The following TGFBRAP1 variants were observed in gnomAD, a reference collection of about 807,000 sequenced individuals.
TGFBRAP1 encodes the protein transforming growth factor beta receptor associated protein 1.
TGFBRAP1 carries 20 observed loss-of-function variants against 83.2 expected under a neutral mutation model. The observed-to-expected ratio is 0.24, with a 90% CI of 0.17 to 0.35. The LOEUF is 0.35. Among genes scored for constraint, TGFBRAP1 ranks in the 10% least tolerant of loss-of-function variants. The pLI is 1.00. For synonymous variants in TGFBRAP1, 415 were observed against 459.8 expected (o/e 0.90, Z 1.25); for missense variants, 950 against 1,099.4 (o/e 0.86, Z 1.92).
intron 4 of TGFBRAP1, among the ~76,000 whole-genome samples, chr2:105,285,825 T>G (rs566888027): frequency 6.6e-6 from 1 of 152,306 alleles, no homozygotes; most frequent in African/African-American, 2.4e-5. Flanking sequence ...CCCTTTACCA[T>G]CAGTCTTTAA....
At chr2:105,294,981 G>A (rs1435874420) in intron 4 of TGFBRAP1, among the ~76,000 whole-genome samples, 4 of 151,994 alleles carry the variant, frequency 2.6e-5, no homozygotes, top group African/African-American at 9.7e-5. Flanking sequence ...GAGCACATGC[G>A]GCAGTGGCAG....
At chr2:105,328,097 G>A (rs1011435164) in intron 1 of TGFBRAP1, among the ~76,000 whole-genome samples, 2 of 152,110 alleles carry the variant, frequency 1.3e-5, no homozygotes, top group African/African-American at 2.4e-5. Context: ...TCCTTTCCAG[G>A]CACAATTTCT....
intron 4 of TGFBRAP1, among the ~76,000 whole-genome samples, chr2:105,289,397 A>G (rs1677827386): frequency 6.6e-6 from 1 of 152,190 alleles, no homozygotes; most frequent in Non-Finnish European, 1.5e-5. Flanking sequence ...TATGGCTCAA[A>G]TTTTGAGGCA....
At chr2:105,315,300 T>C (rs977389663) in intron 1 of TGFBRAP1, among the ~76,000 whole-genome samples, 1 of 152,160 alleles carries the variant, frequency 6.6e-6, no homozygotes, top group Admixed American at 6.5e-5. Flanking sequence ...AAATTTTAAA[T>C]GGAAAGCACA....
At chr2:105,290,523 C>T (rs947628687) in intron 4 of TGFBRAP1, among the ~76,000 whole-genome samples, 2 of 150,744 alleles carry the variant, frequency 1.3e-5, no homozygotes, top group Non-Finnish European at 2.9e-5. Flanking sequence ...TGCTATTTTT[C>T]TTGAATTTGT....
intron 4 of TGFBRAP1, among the ~76,000 whole-genome samples, chr2:105,295,051 A>C (rs1678037939): frequency 6.6e-6 from 1 of 152,204 alleles, no homozygotes. Flanking sequence ...CAAGAAGCTC[A>C]GCAGCTTTCT....
At chr2:105,258,288 T>A in the TGFBRAP1 span, among the ~76,000 whole-genome samples, 2 of 152,152 alleles carry the variant, frequency 1.3e-5, no homozygotes, top group Admixed American at 6.5e-5. Flanking sequence ...TGTGTCAATG[T>A]GACTGGGCCA....
chr2:105,293,816 C>T (rs1257784800), intron 4 of TGFBRAP1, among the ~76,000 whole-genome samples: 1 of 152,126 alleles, frequency 6.6e-6, no homozygotes, highest in Admixed American at 6.5e-5. Flanking sequence ...CTCATTCATT[C>T]TTTCCTTGGT....
At position 105,269,073 on chromosome 2, in the gene TGFBRAP1, C is replaced by T. The variant is rs917923681; in HGVS notation, c.2406+199G>A. 4.6e-5 allele frequency among the ~76,000 whole-genome samples: 7 copies of T among 152,208 alleles called. No individual in the cohort carries two copies. The highest frequency in any genetic ancestry group is 1.3e-4 in the Admixed American group (2 of 15,288). ...GTCCAAAAGGGGAGAAAAACTACACCGATGTTACACCTACCAGCCCAGCCT... is the reference window on the plus strand; with the variant it reads ...GTCCAAAAGGGGAGAAAAACTACACTGATGTTACACCTACCAGCCCAGCCT... On this transcript the variant is annotated intron_variant, in intron 11 of 11. Coordinates refer to ENST00000393359, the MANE Select transcript of TGFBRAP1 (RefSeq NM_004257.6). This position sits in a 1 kb window ranked among gnomAD's most constrained non-coding sequence, Gnocchi z 4.1.
At chr2:105,255,805 C>T in the TGFBRAP1 span, among the ~76,000 whole-genome samples, 2 of 152,164 alleles carry the variant, frequency 1.3e-5, no homozygotes, top group Non-Finnish European at 2.9e-5. Flanking sequence ...TAAGCCTGCT[C>T]ACCCTGTCTC....
intron 5 of TGFBRAP1, among the ~76,000 whole-genome samples, chr2:105,281,879 G>T (rs2104339109): frequency 6.6e-6 from 1 of 152,088 alleles, no homozygotes; most frequent in Admixed American, 6.5e-5. Flanking sequence ...GACTGGGGCG[G>T]GGGTGTGCTA....
intron 1 of TGFBRAP1, among the ~76,000 whole-genome samples, chr2:105,310,519 C>T (rs1678656114): frequency 6.6e-6 from 1 of 152,076 alleles, no homozygotes; most frequent in Non-Finnish European, 1.5e-5. Context: ...TGGAAAAGAG[C>T]TGGGGGAAGT....
Position 105,293,849 on chromosome 2 carries a change from A to C in TGFBRAP1, c.1038+2507T>G, listed in dbSNP as rs2104365205. ...GGTATTAAAAGGGAAGAACCTACCC[A>C]GGACCTAGGGGAGGGAGAAGTATGG... is the stretch of plus-strand genomic sequence containing the variant. On this transcript the variant is annotated intron_variant, in intron 4 of 11. Coordinates refer to ENST00000393359, the MANE Select transcript of TGFBRAP1 (RefSeq NM_004257.6). Among the ~76,000 whole-genome samples, 3 of 152,298 alleles carry C rather than the reference A, an allele frequency of 2.0e-5. No individual in the cohort carries two copies. In the Middle Eastern group the frequency reaches 0.01, roughly 518 times the overall value.
chr2:105,260,478 A>G (rs867787036), downstream of TGFBRAP1, among the ~76,000 whole-genome samples: 2 of 152,210 alleles, frequency 1.3e-5, no homozygotes, highest in Admixed American at 6.5e-5. Flanking sequence ...ATGTCAAGTG[A>G]AATAAGCCAG....
At chr2:105,322,022 T>TCAC (rs991248966) in intron 1 of TGFBRAP1, among the ~76,000 whole-genome samples, 24 of 152,310 alleles carry the variant, frequency 1.6e-4, no homozygotes, top group African/African-American at 5.5e-4. Flanking sequence ...GAAATTGTTA[T>TCAC]CACAGACAAC....
Position 105,272,724 on chromosome 2 carries a change from T to TA in TGFBRAP1, c.1972+130dup, listed in dbSNP as rs1573159391. 8.8e-6 allele frequency: 11 copies of TA among 1,249,988 alleles called. No individual in the cohort carries two copies. The East Asian group carries it at 2.8e-4, about 32-fold the overall frequency. The allele number at this position is 1,249,988 out of a possible 1,614,324, so 77.4% of individuals were successfully genotyped here. On this transcript the variant is annotated intron_variant, in intron 10 of 11. Transcript: ENST00000393359. ...CTGTCTTCATTTAAAAAAATCTTTT[T>TA]AAAAAAAGAGGCTCAAAGAATCACC...
At chr2:105,301,354 G>A (rs1048159982) in intron 2 of TGFBRAP1, among the ~76,000 whole-genome samples, 1 of 152,156 alleles carries the variant, frequency 6.6e-6, no homozygotes, top group African/African-American at 2.4e-5. Context: ...GGAGGCTGAG[G>A]CGGGTGGATC....
chr2:105,258,174 G>C, the TGFBRAP1 span, among the ~76,000 whole-genome samples: 1 of 152,182 alleles, frequency 6.6e-6, no homozygotes, highest in Non-Finnish European at 1.5e-5. Flanking sequence ...TCTGCCCCAG[G>C]AGGAAACAAG....
rs931688963 is a variant in TGFBRAP1, at chr2:105,282,044, A to T, written c.1122-1321T>A. ...TAAAGTACAATTCTTGATTTGAGAA[A>T]TTTCTGCTCATTGTTTAAGATCCAG... On this transcript the variant is annotated intron_variant, in intron 5 of 11. Coordinates refer to ENST00000393359, the MANE Select transcript of TGFBRAP1 (RefSeq NM_004257.6). Among the ~76,000 whole-genome samples the T allele has an allele frequency of 2.0e-5, 3 of 152,156 alleles. No homozygotes were observed. In the South Asian group the frequency reaches 6.2e-4, roughly 32 times the overall value.
Sources: allele counts gnomAD v4.1 joint callset (sites outside exome capture counted in the v4.1 genomes callset), GRCh38; gene constraint gnomAD v4.1.1; non-coding constraint Gnocchi (gnomAD v3.1); transcripts MANE v1.5; gene names NCBI Gene and HGNC (gene_info 2026-07-23, HGNC 2026-07-21).